The following KIF16B variants were observed in gnomAD, a reference collection of about 807,000 sequenced individuals.
KIF16B encodes kinesin-like protein KIF16B.
A neutral mutation model predicts 156.3 loss-of-function variants in KIF16B; 98 were observed. The observed-to-expected ratio is 0.63, with a 90% confidence interval of 0.53 to 0.74. The LOEUF (loss-of-function observed/expected upper bound fraction) is 0.74. Ranked by LOEUF, KIF16B falls within the 30% of genes least tolerant of loss-of-function variation. KIF16B has a pLI of 0.00. For synonymous variants in KIF16B, 564 were observed against 583.7 expected, an observed-to-expected ratio of 0.97 and a Z score of 0.49; for missense variants, 1,421 against 1,606.5, an observed-to-expected ratio of 0.88 and a Z score of 1.97.
chr20:16,530,822 C>T (rs1259430727), intron 1 of KIF16B, among the ~76,000 whole-genome samples: 1 of 152,088 alleles, frequency 6.6e-6, no homozygotes, highest in Non-Finnish European at 1.5e-5. Context: ...CTGCCATAGC[C>T]TCCCAAGTAG....
At chr20:16,510,230 T>C (rs559439741) in intron 6 of KIF16B, among the ~76,000 whole-genome samples, 11 of 152,206 alleles carry the variant, frequency 7.2e-5, no homozygotes, top group African/African-American at 9.7e-5. Flanking sequence ...TCAGAAAACA[T>C]GAAGGCATGA....
intron 12 of KIF16B, among the ~76,000 whole-genome samples, chr20:16,483,426 A>G (rs1030072255): frequency 6.6e-6 from 1 of 152,230 alleles, no homozygotes; most frequent in Non-Finnish European, 1.5e-5. Context: ...ATAAAACTAC[A>G]TACCTTAAAA....
At chr20:16,417,061 C>T (rs913439832) in intron 15 of KIF16B, among the ~76,000 whole-genome samples, 6 of 151,956 alleles carry the variant, frequency 3.9e-5, no homozygotes, top group East Asian at 1.9e-4. Flanking sequence ...GCCGTAGACA[C>T]GGAGACAGGC....
chr20:16,404,686 A>G, intron 17 of KIF16B, 127 bp downstream of exon 17: 1 of 664,868 alleles, frequency 1.5e-6, no homozygotes, highest in East Asian at 2.7e-5. Context: ...TCGGAAAATG[A>G]CGGTGGCTGA....
At chr20:16,537,610 T>A (rs946728908) in intron 1 of KIF16B, among the ~76,000 whole-genome samples, 1 of 152,054 alleles carries the variant, frequency 6.6e-6, no homozygotes, top group Non-Finnish European at 1.5e-5. Context: ...GGTCTCCCTA[T>A]GTGCCCCCTA....
intron 17 of KIF16B, 136 bp downstream of exon 17, chr20:16,404,677 C>T (rs544125266): frequency 8.7e-5 from 56 of 644,216 alleles, no homozygotes; most frequent in African/African-American, 7.4e-4. Context: ...GAAAGGAACT[C>T]GGAAAATGAC....
intron 1 of KIF16B, among the ~76,000 whole-genome samples, chr20:16,570,289 T>C (rs1484406709): frequency 1.3e-5 from 2 of 152,166 alleles, no homozygotes; most frequent in Non-Finnish European, 2.9e-5. Context: ...AAAGTAGAAA[T>C]GAAATGGTCA....
intron 1 of KIF16B, among the ~76,000 whole-genome samples, chr20:16,543,323 C>T (rs758619482): frequency 2.0e-5 from 3 of 152,196 alleles, no homozygotes; most frequent in Non-Finnish European, 4.4e-5. Context: ...AATTCCAGAA[C>T]AAAAATCCAG....
intron 3 of KIF16B, among the ~76,000 whole-genome samples, chr20:16,521,303 A>G (rs1241497432): frequency 6.6e-6 from 1 of 151,988 alleles, no homozygotes; most frequent in Non-Finnish European, 1.5e-5. Flanking sequence ...AACTAGAATA[A>G]CCAGTTTTGA....
intron 15 of KIF16B, among the ~76,000 whole-genome samples, chr20:16,408,733 A>C (rs1440852809): frequency 6.6e-6 from 1 of 152,168 alleles, no homozygotes; most frequent in Non-Finnish European, 1.5e-5. Flanking sequence ...AAGGAGTTAT[A>C]AAAGAAAGCA....
intron 1 of KIF16B, among the ~76,000 whole-genome samples, chr20:16,544,748 A>T (rs2070341571): frequency 6.6e-6 from 1 of 151,922 alleles, no homozygotes; most frequent in South Asian, 2.1e-4. Context: ...GCTACTATAC[A>T]TTTGTCTTCC....
chr20:16,320,546 A>G (rs368483594), intron 24 of KIF16B, among the ~76,000 whole-genome samples: 1 of 152,314 alleles, frequency 6.6e-6, no homozygotes, highest in African/African-American at 2.4e-5. Context: ...CGCAGCACAC[A>G]GAGCGGAGAA....
intron 6 of KIF16B, among the ~76,000 whole-genome samples, chr20:16,509,332 T>C (rs930716623): frequency 2.0e-5 from 3 of 152,188 alleles, no homozygotes; most frequent in African/African-American, 7.2e-5. Flanking sequence ...TGTGAATGTT[T>C]ATACAGAATA....
In KIF16B at chr20:16,371,652, T is replaced by A; in HGVS notation, c.3447+13A>T. 1.3e-6 allele frequency: 2 copies of A among 1,524,604 alleles called. No homozygotes were observed. Among genetic ancestry groups the A allele is most frequent in the Non-Finnish European group, 1.8e-6 (2 of 1,103,700 alleles). 94.4% of individuals were successfully genotyped at this position (1,524,604 alleles called of 1,614,324 possible). ...AACTTGTTACTTCGTGTTACTTGGC[T>A]CCTTCAGCTTACCTTCATCGTGTCT... On this transcript the variant is annotated intron_variant, in intron 21 of 25. Coordinates refer to ENST00000354981, the MANE Select transcript of KIF16B (RefSeq NM_024704.5).
intron 1 of KIF16B, among the ~76,000 whole-genome samples, chr20:16,565,747 C>T (rs2071229300): frequency 6.6e-6 from 1 of 152,208 alleles, no homozygotes; most frequent in South Asian, 2.1e-4. Context: ...TTCCCACCAG[C>T]ACCCCGAAAC....
intron 3 of KIF16B, among the ~76,000 whole-genome samples, chr20:16,517,330 A>G (rs2069175137): frequency 6.6e-6 from 1 of 152,236 alleles, no homozygotes; most frequent in Admixed American, 6.5e-5. Context: ...TAGCTTTAAG[A>G]GCTGACAGTT....
chr20:16,378,246 T>G (rs2064999642), intron 19 of KIF16B, among the ~76,000 whole-genome samples: 1 of 147,408 alleles, frequency 6.8e-6, no homozygotes, highest in Non-Finnish European at 1.5e-5. Context: ...TGGAAAGAGG[T>G]GAGGGAGGAG....
At chr20:16,557,940 G>A (rs1212268006) in intron 1 of KIF16B, among the ~76,000 whole-genome samples, 7 of 152,124 alleles carry the variant, frequency 4.6e-5, no homozygotes, top group East Asian at 3.8e-4. Context: ...GCTCACAGAG[G>A]GACTCAGACT....
intron 12 of KIF16B, among the ~76,000 whole-genome samples, chr20:16,454,605 T>C (rs1198189108): frequency 2.0e-5 from 3 of 152,072 alleles, no homozygotes; most frequent in Non-Finnish European, 4.4e-5. Flanking sequence ...TTGTAACTAA[T>C]AATAAAATTA....
Sources: gnomAD v4.1 joint callset for allele counts (sites outside exome capture counted in the v4.1 genomes callset) on GRCh38, gnomAD v4.1.1 for gene constraint, MANE v1.5 for transcripts, NCBI Gene and HGNC (gene_info 2026-07-23, HGNC 2026-07-21) for gene names.